PLA2G4C: variants seen among roughly 807,000 people sequenced by gnomAD.
PLA2G4C encodes cytosolic phospholipase A2 gamma.
A neutral mutation model predicts 73.8 loss-of-function variants in PLA2G4C; 64 were observed. The ratio of observed to expected loss-of-function variants is 0.87; its 90% CI spans 0.71 to 1.07. The LOEUF is 1.07. PLA2G4C is among the 50% of genes least tolerant of loss of function. PLA2G4C has a pLI of 0.00. For missense variants in PLA2G4C, 622 were observed against 665.4 expected, an observed-to-expected ratio of 0.93 and a Z score of 0.72; for synonymous variants, 254 against 252.1, an observed-to-expected ratio of 1.01 and a Z score of -0.07.
intron 4 of PLA2G4C, chr19:48,104,198 C>A: frequency 5.8e-6 from 1 of 171,482 alleles, no homozygotes; most frequent in Non-Finnish European, 1.2e-5. Flanking sequence ...AGCCACCACA[C>A]CTGGCCCATC....
intron 7 of PLA2G4C, among the ~76,000 whole-genome samples, chr19:48,092,554 C>T (rs1015307382): frequency 1.3e-5 from 2 of 152,168 alleles, no homozygotes; most frequent in Non-Finnish European, 2.9e-5. Flanking sequence ...TATATTCGTA[C>T]AATGGAATAT....
intron 13 of PLA2G4C, among the ~76,000 whole-genome samples, chr19:48,066,561 G>C (rs1968429784): frequency 6.6e-6 from 1 of 152,048 alleles, no homozygotes; most frequent in Non-Finnish European, 1.5e-5. Flanking sequence ...GCCCTGGCCA[G>C]GGGGGCACAT....
intron 9 of PLA2G4C, among the ~76,000 whole-genome samples, chr19:48,087,038 C>G (rs1170624369): frequency 6.6e-6 from 1 of 152,202 alleles, no homozygotes; most frequent in African/African-American, 2.4e-5. Flanking sequence ...GGCAGCTTCA[C>G]TGGGTGGCTA....
At chr19:48,098,090 T>C (rs1244121044) in intron 6 of PLA2G4C, 49 bp downstream of exon 6, 1 of 1,597,582 alleles carries the variant, frequency 6.3e-7, no homozygotes, top group Non-Finnish European at 8.6e-7. Context: ...TTCCACTCCG[T>C]GCTGTTCCAT....
intron 10 of PLA2G4C, among the ~76,000 whole-genome samples, chr19:48,080,982 T>C (rs1409299417): frequency 9.9e-6 from 1 of 100,572 alleles, no homozygotes; most frequent in African/African-American, 3.9e-5. Context: ...CACCGGTCTC[T>C]ACTAAAAATA....
intron 5 of PLA2G4C, among the ~76,000 whole-genome samples, chr19:48,098,879 A>G (rs251676): frequency 0.42 from 61,656 of 146,946 alleles, 13,194 homozygotes; most frequent in African/African-American, 0.52. Flanking sequence ...TCCAGCCTGG[A>G]CGACAGAGTG....
chr19:48,109,795 G>A (rs1775744866), intron 1 of PLA2G4C, among the ~76,000 whole-genome samples: 1 of 151,904 alleles, frequency 6.6e-6, no homozygotes, highest in South Asian at 2.1e-4. Flanking sequence ...GACTACAGGC[G>A]CCCGCCACCA....
intron 12 of PLA2G4C, among the ~76,000 whole-genome samples, chr19:48,073,211 A>G (rs1025758714): frequency 2.0e-5 from 3 of 151,654 alleles, no homozygotes; most frequent in African/African-American, 7.3e-5. Flanking sequence ...ATGTCCAGCT[A>G]ATTTTTTACA....
intron 9 of PLA2G4C, among the ~76,000 whole-genome samples, chr19:48,087,936 C>CAA (rs75679224): frequency 1.5e-4 from 19 of 123,806 alleles, no homozygotes; most frequent in Middle Eastern, 4.6e-3. Flanking sequence ...AACTCTGTCT[C>CAA]AAAAAAAAAA....
intron 12 of PLA2G4C, among the ~76,000 whole-genome samples, chr19:48,069,654 G>A (rs1462249194): frequency 1.3e-5 from 2 of 152,178 alleles, no homozygotes; most frequent in Non-Finnish European, 2.9e-5. Flanking sequence ...TGAACAGCAG[G>A]GGCAGAGTGG....
chr19:48,066,027 C>T (rs747596802), intron 13 of PLA2G4C, among the ~76,000 whole-genome samples: 28 of 150,528 alleles, frequency 1.9e-4, no homozygotes, highest in Non-Finnish European at 2.7e-4. Context: ...GCGGAGGTTG[C>T]GGTGAGCTGA....
chr19:48,107,366 C>T (rs569196928), intron 1 of PLA2G4C, among the ~76,000 whole-genome samples: 16 of 136,834 alleles, frequency 1.2e-4, no homozygotes, highest in South Asian at 8.9e-4. Context: ...AAAAACAAAA[C>T]GAAACATTAT....
intron 7 of PLA2G4C, among the ~76,000 whole-genome samples, chr19:48,092,760 G>A (rs1461858430): frequency 6.7e-6 from 1 of 150,234 alleles, no homozygotes; most frequent in Non-Finnish European, 1.5e-5. Flanking sequence ...AAGGGAGGGG[G>A]TGACAGGGAC....
chr19:48,107,397 G>T (rs1168367776), intron 1 of PLA2G4C, among the ~76,000 whole-genome samples: 2 of 152,088 alleles, frequency 1.3e-5, no homozygotes, highest in African/African-American at 4.8e-5. Flanking sequence ...AGTGGCTCAT[G>T]CCTGTAATCC....
intron 7 of PLA2G4C, 73 bp downstream of exon 7, chr19:48,095,391 C>T (rs988826390): frequency 7.0e-7 from 1 of 1,435,766 alleles, no homozygotes; most frequent in African/African-American, 1.4e-5. Flanking sequence ...GCAAACTAGA[C>T]CCTCAGAAGG....
intron 16 of PLA2G4C, among the ~76,000 whole-genome samples, chr19:48,050,312 C>A (rs1332905592): frequency 1.3e-5 from 2 of 152,140 alleles, no homozygotes; most frequent in Admixed American, 6.5e-5. Flanking sequence ...CTGCCCCATG[C>A]CAGGCAGGGC....
In PLA2G4C at chr19:48,095,506, G is replaced by C. The variant is rs768872184; in HGVS notation, c.667C>G (p.Leu223Val). ...HFGSKFKKGR[L>V]VRTHPERDLT... ...TCTCTCTCAGGGTGAGTTCTGACCA[G>C]TCTTCCCTTCTTGAATTTGCTTCCG... The change falls in exon 7 of 17, where the codon CTG (leucine) becomes GTG (valine). Residue 223 changes from leucine to valine, a missense_variant. Transcript: ENST00000599921. The C allele has an allele frequency of 1.9e-6, 3 of 1,613,940 alleles. No individual in the cohort carries two copies. Among genetic ancestry groups the C allele is most frequent in the African/African-American group, 2.7e-5 (2 of 74,888 alleles).
intron 10 of PLA2G4C, among the ~76,000 whole-genome samples, chr19:48,080,603 G>A (rs147740401): frequency 1.1e-4 from 17 of 151,968 alleles, no homozygotes; most frequent in Non-Finnish European, 1.5e-4. Flanking sequence ...GAGGTCAGGC[G>A]TTCAAGACCA....
intron 4 of PLA2G4C, among the ~76,000 whole-genome samples, chr19:48,101,126 A>ATATATATTTTTTTTT: frequency 1.3e-5 from 1 of 74,128 alleles, no homozygotes; most frequent in African/African-American, 6.4e-5. Flanking sequence ...ATATATATAT[A>ATATATATTTTTTTTT]TTTTTTTTTT....
Sources: allele counts gnomAD v4.1 joint callset (sites outside exome capture counted in the v4.1 genomes callset), GRCh38; gene constraint gnomAD v4.1.1; transcripts MANE v1.5; gene names NCBI Gene and HGNC (gene_info 2026-07-23, HGNC 2026-07-21).